Variants in MYOM3 observed in about 807,000 individuals in gnomAD.
MYOM3 encodes myomesin-3.
In MYOM3, 155 loss-of-function variants were observed where a neutral mutation model predicts 191.7. That is an observed-to-expected ratio of 0.81 (90% CI 0.71 to 0.92). The LOEUF (loss-of-function observed/expected upper bound fraction) is 0.92, where lower values mean the gene tolerates loss of function less well. Among genes scored for constraint, MYOM3 ranks in the 40% least tolerant of loss-of-function variants. The pLI, the probability that MYOM3 is intolerant of heterozygous loss-of-function variation, is 0.00. For synonymous variants in MYOM3, 757 were observed against 762.9 expected, an observed-to-expected ratio of 0.99 and a Z score of 0.13; for missense variants, 1,889 against 1,890.6, an observed-to-expected ratio of 1.00 and a Z score of 0.02.
chr1:24,062,199 T>G, intron 32 of MYOM3, 90 bp from the exon 33 acceptor site: 1 of 1,475,378 alleles, frequency 6.8e-7, no homozygotes, highest in Non-Finnish European at 9.3e-7. Flanking sequence ...TGGTTTTGTT[T>G]TGAGATCACG....
chr1:24,091,512 T>C (rs1302804440), intron 11 of MYOM3, among the ~76,000 whole-genome samples: 1 of 152,196 alleles, frequency 6.6e-6, no homozygotes, highest in Admixed American at 6.5e-5. Context: ...TACCAGCTGG[T>C]TGAGGTAGTC....
chr1:24,056,946 A>T lies in MYOM3; in HGVS notation c.*418T>A, dbSNP rs1250549667. ...GTCTGTTGAACTTACATGAATTGAA[A>T]CTATGGGATCCTAAAAGAGGGGTGC... On this transcript the variant is annotated 3_prime_UTR_variant, in exon 37 of 37. Transcript: ENST00000374434. 3 of 165,848 alleles carry T rather than the reference A, an allele frequency of 1.8e-5. No homozygotes were observed. Among genetic ancestry groups the T allele is most frequent in the Non-Finnish European group, 3.9e-5 (3 of 77,032 alleles). 10.3% of individuals were successfully genotyped at this position (165,848 alleles called of 1,614,324 possible). A position where few individuals can be genotyped will look rare whatever the true frequency, so the allele number is the denominator to read the frequency against.
In MYOM3 at chr1:24,063,468, T is replaced by TGGGCAAAGAGGC; in HGVS notation, c.3661+12_3661+23dup. On this transcript the variant is annotated intron_variant, in intron 31 of 36. Coordinates refer to ENST00000374434, the MANE Select transcript of MYOM3 (RefSeq NM_152372.4). The surrounding 1 kb of genome is among the most constrained non-coding windows in gnomAD (Gnocchi z 4.5). Reference sequence around the variant, plus strand: ...GTTGGGCATCAGGGCAGGGCAGGGCTGGGCAAAGAGGCAGGCTGCTTACCA... The same window carrying TGGGCAAAGAGGC: ...GTTGGGCATCAGGGCAGGGCAGGGCTGGGCAAAGAGGCGGGCAAAGAGGCAGGCTGCTTACCA... 1 of 1,613,990 alleles carries TGGGCAAAGAGGC rather than the reference T, an allele frequency of 6.2e-7. No homozygotes were observed. The highest frequency in any genetic ancestry group is 8.5e-7 in the Non-Finnish European group (1 of 1,179,922).
chr1:24,082,972 T>A, intron 16 of MYOM3: 1 of 340,208 alleles, frequency 2.9e-6, no homozygotes, highest in Non-Finnish European at 5.2e-6. Flanking sequence ...TAGGAAAGGT[T>A]CTAATTTAAA....
chr1:24,103,889 G>A (rs1045406852), intron 5 of MYOM3, among the ~76,000 whole-genome samples: 10 of 148,712 alleles, frequency 6.7e-5, no homozygotes, highest in Admixed American at 1.4e-4. Flanking sequence ...ATGTTAATCC[G>A]ACTGGGTTGG....
At chr1:24,067,387 TTTCC>T (rs55795415) in intron 27 of MYOM3, among the ~76,000 whole-genome samples, 3,034 of 62,986 alleles carry the variant, frequency 0.048, 212 homozygotes, top group Middle Eastern at 0.1. Flanking sequence ...TTTCTTTCTT[TTTCC>T]TTCCTTCCTT....
At chr1:24,075,208 C>A in intron 22 of MYOM3, 111 bp downstream of exon 22, 1 of 1,091,130 alleles carries the variant, frequency 9.2e-7, no homozygotes, top group East Asian at 2.5e-5. Flanking sequence ...CAGCGCCTTT[C>A]AACCATCATG....
intron 22 of MYOM3, among the ~76,000 whole-genome samples, 195 bp downstream of exon 22, chr1:24,075,124 C>T (rs991736724): frequency 6.7e-6 from 1 of 149,746 alleles, no homozygotes; most frequent in African/African-American, 2.5e-5. Context: ...AAAATAGCAC[C>T]ATTGCAGCCG....
Position 24,076,177 on chromosome 1 carries a change from G to C in MYOM3, c.2683C>G (p.Leu895Val), listed in dbSNP as rs775500482. The stretch of plus-strand genomic sequence containing the variant: ...CCCCTACCTGGCTTGTCCTCCAGGA[G>C]CACGGGATCAGTGGGCATGGACGGT... Reference protein sequence around the residue: ...GQPSMPTDPVLLEDKPGAHEI... With the variant: ...GQPSMPTDPVVLEDKPGAHEI... Residue 895 changes from leucine (L) to valine (V), a missense_variant, in exon 21 of 37, where the codon CTC (leucine) becomes GTC (valine). Transcript: ENST00000374434. 3.1e-6 allele frequency: 5 copies of C among 1,614,092 alleles called. No individual in the cohort carries two copies. Among genetic ancestry groups the C allele is most frequent in the Admixed American group, 3.3e-5 (2 of 60,036 alleles).
At chr1:24,098,110 C>T (rs1468331711) in intron 6 of MYOM3, 99 bp from the exon 7 acceptor site, 2 of 795,202 alleles carry the variant, frequency 2.5e-6, no homozygotes, top group East Asian at 2.4e-5. Context: ...CTAAGGAAAG[C>T]CTCACGGTGC....
At position 24,108,593 on chromosome 1, in the gene MYOM3, G is replaced by T; in HGVS notation, c.44C>A (p.Pro15His). The T allele has an allele frequency of 3.2e-6, 5 of 1,568,492 alleles. No homozygotes were observed. Among genetic ancestry groups the T allele is most frequent in the Middle Eastern group, 3.4e-4 (2 of 5,970 alleles). The change falls in exon 2 of 37, where the codon CCC (proline) becomes CAC (histidine). Residue 15 changes from proline to histidine, a missense_variant. Pro to His is a moderately conservative substitution (Grantham distance 77). Coordinates refer to ENST00000374434, the MANE Select transcript of MYOM3 (RefSeq NM_152372.4). ...HSLGGAGDPR[P>H]PQAMEVHRLE... is the part of the protein sequence containing the mutation. ...CCTGTGAACCTCCATGGCCTGGGGG[G>T]GCCGGGGGTCCCCCGCACCTCCCAA... is the stretch of plus-strand genomic sequence containing the variant.
chr1:24,077,660 A>C (rs1339911820), intron 20 of MYOM3, among the ~76,000 whole-genome samples: 1 of 152,178 alleles, frequency 6.6e-6, no homozygotes, highest in African/African-American at 2.4e-5. Context: ...ATTGCCTGCT[A>C]CCCAACAACT....
chr1:24,090,307 G>A (rs921210453), intron 12 of MYOM3, among the ~76,000 whole-genome samples, 189 bp from the exon 13 acceptor site: 2 of 152,200 alleles, frequency 1.3e-5, no homozygotes, highest in Non-Finnish European at 2.9e-5. Flanking sequence ...GAGCCCTGCT[G>A]CTCTCAGGCC....
intron 25 of MYOM3, among the ~76,000 whole-genome samples, chr1:24,069,951 G>A (rs1643504994): frequency 1.3e-5 from 2 of 151,640 alleles, no homozygotes; most frequent in South Asian, 4.1e-4. Flanking sequence ...ATCTGGAGAT[G>A]AAATTCACAA....
rs1643755028 is a variant in MYOM3 at position 24,086,837 on chromosome 1, C to G, written c.1615-10G>C. The G allele has an allele frequency of 6.2e-7, 1 of 1,612,664 alleles. No homozygotes were observed. Among genetic ancestry groups the G allele is most frequent in the Admixed American group, 1.7e-5 (1 of 59,920 alleles). On this transcript the variant is annotated splice_polypyrimidine_tract_variant and intron_variant, in intron 14 of 36. Transcript: ENST00000374434. ...CACTACCTATGACTGACTGAAGAAA[C>G]AGAGGGACTCACATTGGCTAACTGG...
At chr1:24,099,486 C>A (rs1478005824) in intron 6 of MYOM3, among the ~76,000 whole-genome samples, 194 bp downstream of exon 6, 2 of 139,562 alleles carry the variant, frequency 1.4e-5, no homozygotes, top group Non-Finnish European at 3.0e-5. Flanking sequence ...CATTCCAGAC[C>A]TGCTTAATCT....
intron 23 of MYOM3, among the ~76,000 whole-genome samples, chr1:24,073,708 C>T (rs907887564): frequency 6.6e-6 from 1 of 151,838 alleles, no homozygotes; most frequent in African/African-American, 2.4e-5. Context: ...ACTAAAAATA[C>T]AAAAAATTAG....
chr1:24,092,038 G>C, intron 11 of MYOM3, 136 bp downstream of exon 11: 1 of 789,058 alleles, frequency 1.3e-6, no homozygotes, highest in South Asian at 4.4e-5. Flanking sequence ...AGCACAGCCT[G>C]TCTCCTGTCC....
chr1:24,072,045 A>C (rs1381336305), intron 23 of MYOM3, 32 bp from the exon 24 acceptor site: 1 of 1,610,562 alleles, frequency 6.2e-7, no homozygotes, highest in African/African-American at 1.3e-5. Context: ...AAGAAACCAG[A>C]GAGAATGAAA....
Sources: gnomAD v4.1 joint callset for allele counts (sites outside exome capture counted in the v4.1 genomes callset) on GRCh38, gnomAD v4.1.1 for gene constraint, Gnocchi (gnomAD v3.1) non-coding constraint, MANE v1.5 for transcripts, NCBI Gene and HGNC (gene_info 2026-07-23, HGNC 2026-07-21) for gene names.